Variants in TEX14 observed in about 807,000 individuals in gnomAD.
TEX14 encodes the protein testis expressed 14, intercellular bridge forming factor.
A neutral mutation model predicts 178.6 loss-of-function variants in TEX14; 168 were observed. The observed-to-expected ratio is 0.94, with a 90% CI of 0.83 to 1.07. The LOEUF (loss-of-function observed/expected upper bound fraction) is 1.07, where lower values mean the gene tolerates loss of function less well. Ranked by LOEUF, TEX14 falls within the 50% of genes least tolerant of loss-of-function variation. TEX14 has a pLI of 0.00. For missense variants in TEX14, 1,730 were observed against 1,753.6 expected (o/e 0.99, Z 0.24); for synonymous variants, 626 against 634.1 (o/e 0.99, Z 0.19).
At position 58,579,593 on chromosome 17, in the gene TEX14, A is replaced by G; in HGVS notation, c.3238+72T>C. 2.3e-6 allele frequency: 3 copies of G among 1,331,876 alleles called. No individual in the cohort carries two copies. In the South Asian group the frequency reaches 3.6e-5, roughly 16 times the overall value. 82.5% of individuals were successfully genotyped at this position (1,331,876 alleles called of 1,614,324 possible). A position where few individuals can be genotyped will look rare whatever the true frequency, so the allele number is the denominator to read the frequency against. ...TGTCCCTCAGGATCCCCCCAGCTCT[A>G]AACATCTGTGATCCAACAGAAGAAA... On this transcript the variant is annotated intron_variant, in intron 20 of 31. Coordinates refer to ENST00000349033, the MANE Select transcript of TEX14 (RefSeq NM_031272.5).
Position 58,613,448 on chromosome 17 carries a change from G to A in TEX14, c.978C>T (p.Gly326=). ...TRLVYERITI[G]TLFSVLHERR... ...GTTCATGAAGGACACTGAACAATGT[G>A]CCGATAGTGATGCGCTCGTACACAA... Residue 326 remains glycine (G), a synonymous_variant, in exon 9 of 32, where the codon GGC becomes GGT. Coordinates refer to ENST00000349033, the MANE Select transcript of TEX14 (RefSeq NM_031272.5). 1 of 1,614,118 alleles carries A rather than the reference G, an allele frequency of 6.2e-7. No homozygotes were observed. Among genetic ancestry groups the A allele is most frequent in the Non-Finnish European group, 8.5e-7 (1 of 1,180,006 alleles).
At position 58,601,675 on chromosome 17, in the gene TEX14, T is replaced by C. The variant is rs551514861; in HGVS notation, c.1678+131A>G. On this transcript the variant is annotated intron_variant, in intron 13 of 31. Transcript: ENST00000349033. Reference sequence around the variant, plus strand: ...TGCCACTGTACTCCAGTCTGGGCAATAGAGCTAGACTTTATCTCACAAAAC... The same window carrying C: ...TGCCACTGTACTCCAGTCTGGGCAACAGAGCTAGACTTTATCTCACAAAAC... 1,594 of 839,246 alleles carry C rather than the reference T, an allele frequency of 1.9e-3. 13 individuals carry two copies. The African/African-American group carries it at 0.023, about 12-fold the overall frequency. The allele number at this position is 839,246 out of a possible 1,614,324, so 52.0% of individuals were successfully genotyped here.
At chr17:58,584,998 G>A (rs2044919376) in intron 18 of TEX14, among the ~76,000 whole-genome samples, 1 of 151,914 alleles carries the variant, frequency 6.6e-6, no homozygotes, top group South Asian at 2.1e-4. Context: ...TTTTTAACCT[G>A]TAAATCTATA....
At chr17:58,682,025 C>T (rs2047508701) in intron 1 of TEX14, among the ~76,000 whole-genome samples, 1 of 152,068 alleles carries the variant, frequency 6.6e-6, no homozygotes, top group South Asian at 2.1e-4. Context: ...GCAGTGGCAC[C>T]ATCACAGCTC....
At chr17:58,634,633 G>A (rs910763662) in intron 2 of TEX14, among the ~76,000 whole-genome samples, 2 of 152,050 alleles carry the variant, frequency 1.3e-5, no homozygotes, top group African/African-American at 2.4e-5. Flanking sequence ...CCCAACACAA[G>A]CCAGCCTAAG....
At chr17:58,690,197 C>T (rs1278978956) in intron 1 of TEX14, among the ~76,000 whole-genome samples, 3 of 151,776 alleles carry the variant, frequency 2.0e-5, no homozygotes, top group Non-Finnish European at 2.9e-5. Context: ...GATGGAGTCT[C>T]GCTCTGTCGC....
In TEX14 at chr17:58,593,611, C is replaced by T; in HGVS notation, c.2520G>A (p.Gln840=). The stretch of plus-strand genomic sequence containing the variant: ...AACTGTCCTTGGCTCCTTGAGTGCA[C>T]TGAAATTGTTCATCTGTGTTCTGTT... The part of the protein sequence containing the change: ...PGKQNTDEQF[Q]CTQGAKDSLE... Residue 840 remains glutamine, a synonymous_variant, in exon 15 of 32, where the codon CAG becomes CAA. Coordinates refer to ENST00000349033, the MANE Select transcript of TEX14 (RefSeq NM_031272.5). 6.2e-7 allele frequency: 1 copy of T among 1,614,130 alleles called. No individual in the cohort carries two copies.
intron 2 of TEX14, among the ~76,000 whole-genome samples, chr17:58,643,953 C>T (rs73329005): frequency 0.02 from 2,979 of 150,764 alleles, 93 homozygotes; most frequent in African/African-American, 0.069. Context: ...CCCGCCCCCC[C>T]CAAATACCTC....
At chr17:58,607,012 CAAAAAAAAAAA>C (rs35155837) in intron 10 of TEX14, among the ~76,000 whole-genome samples, 53 of 92,588 alleles carry the variant, frequency 5.7e-4, no homozygotes, top group East Asian at 2.7e-3. Context: ...GCTACTGTCT[CAAAAAAAAAAA>C]AAAAAAAAAA....
intron 1 of TEX14, among the ~76,000 whole-genome samples, chr17:58,672,470 A>G (rs891019460): frequency 2.6e-5 from 4 of 152,102 alleles, no homozygotes; most frequent in African/African-American, 9.7e-5. Context: ...GTCTCGCTCT[A>G]TCACCCAGGC....
chr17:58,687,711 A>G (rs951304139), intron 1 of TEX14, among the ~76,000 whole-genome samples: 2 of 152,110 alleles, frequency 1.3e-5, no homozygotes, highest in Non-Finnish European at 2.9e-5. Context: ...CAAAAATTTC[A>G]TATTATTCCT....
chr17:58,672,010 C>T (rs1245827149), intron 1 of TEX14, among the ~76,000 whole-genome samples: 2 of 152,124 alleles, frequency 1.3e-5, no homozygotes, highest in Non-Finnish European at 2.9e-5. Flanking sequence ...CATTTCTCCA[C>T]GGATAACAGG....
At chr17:58,588,723 G>T (rs560982853) in intron 15 of TEX14, among the ~76,000 whole-genome samples, 1 of 152,034 alleles carries the variant, frequency 6.6e-6, no homozygotes, top group Non-Finnish European at 1.5e-5. Context: ...ATCTCTCTAG[G>T]CCAAGGCTTC....
At chr17:58,657,407 T>C (rs1277858070) in intron 1 of TEX14, among the ~76,000 whole-genome samples, 1 of 152,012 alleles carries the variant, frequency 6.6e-6, no homozygotes, top group Non-Finnish European at 1.5e-5. Flanking sequence ...CTTGTCTGTT[T>C]TACCAGGTTA....
At chr17:58,604,920 G>A in intron 11 of TEX14, 58 bp downstream of exon 11, 1 of 1,581,758 alleles carries the variant, frequency 6.3e-7, no homozygotes, top group South Asian at 1.1e-5. Flanking sequence ...CCTGTGGGGG[G>A]AGAAAAATGC....
At chr17:58,679,547 T>C (rs1021389111) in intron 1 of TEX14, 10 of 152,102 alleles carry the variant, frequency 6.6e-5, no homozygotes, top group South Asian at 2.1e-4. Flanking sequence ...ACCAACATAG[T>C]CCCCACTACC....
At chr17:58,625,168 T>C (rs2046106852) in intron 3 of TEX14, among the ~76,000 whole-genome samples, 1 of 152,146 alleles carries the variant, frequency 6.6e-6, no homozygotes, top group Non-Finnish European at 1.5e-5. Flanking sequence ...GTCTCGCTCT[T>C]GTCCCCCAGG....
At chr17:58,615,713 A>G (rs1178470518) in intron 7 of TEX14, among the ~76,000 whole-genome samples, 1 of 152,208 alleles carries the variant, frequency 6.6e-6, no homozygotes, top group Non-Finnish European at 1.5e-5. Context: ...CAAAGGCAGC[A>G]GCAATAAAAC....
At chr17:58,559,404 C>G (rs373151036) in intron 30 of TEX14, 49 bp downstream of exon 30, 12 of 801,322 alleles carry the variant, frequency 1.5e-5, no homozygotes, top group Non-Finnish European at 2.5e-5. Flanking sequence ...TGAAGCACAT[C>G]AAAGCCCAAG....
Sources: allele counts gnomAD v4.1 joint callset (sites outside exome capture counted in the v4.1 genomes callset), GRCh38; gene constraint gnomAD v4.1.1; transcripts MANE v1.5; gene names NCBI Gene and HGNC (gene_info 2026-07-23, HGNC 2026-07-21).